Variants in YTHDC2 observed in about 807,000 individuals in gnomAD.
YTHDC2 encodes 3'-5' RNA helicase YTHDC2.
In YTHDC2, 45 loss-of-function variants were observed where a neutral mutation model predicts 174.9. That is an observed-to-expected ratio of 0.26 (90% CI 0.20 to 0.33). YTHDC2 has a LOEUF of 0.33. Among genes scored for constraint, YTHDC2 ranks in the 10% least tolerant of loss-of-function variants. The pLI is 1.00. For synonymous variants in YTHDC2, 657 were observed against 574.5 expected, an observed-to-expected ratio of 1.14 and a Z score of -2.05; for missense variants, 1,650 against 1,723.7, an observed-to-expected ratio of 0.96 and a Z score of 0.76.
intron 2 of YTHDC2, among the ~76,000 whole-genome samples, chr5:113,517,353 C>T (rs142581906): frequency 1.5e-3 from 222 of 152,278 alleles, no homozygotes; most frequent in African/African-American, 5.2e-3. Context: ...TATAAATGTA[C>T]AGTTCTGTAG....
intron 2 of YTHDC2, among the ~76,000 whole-genome samples, chr5:113,519,472 T>C (rs1311112148): frequency 6.6e-6 from 1 of 152,204 alleles, no homozygotes. Flanking sequence ...TAGACAAAAA[T>C]GGATTTTACA....
intron 12 of YTHDC2, among the ~76,000 whole-genome samples, chr5:113,550,157 G>A (rs1776152731): frequency 6.6e-6 from 1 of 151,792 alleles, no homozygotes; most frequent in Non-Finnish European, 1.5e-5. Flanking sequence ...ACAGCACAGG[G>A]GATAGGTGAA....
chr5:113,559,548 A>G (rs759345998), intron 17 of YTHDC2, among the ~76,000 whole-genome samples: 2 of 152,248 alleles, frequency 1.3e-5, no homozygotes, highest in African/African-American at 2.4e-5. Flanking sequence ...GTGAGGAAAA[A>G]GAAATCTCAT....
At chr5:113,574,861 C>G (rs1442811895) in intron 23 of YTHDC2, among the ~76,000 whole-genome samples, 1 of 152,214 alleles carries the variant, frequency 6.6e-6, no homozygotes, top group Non-Finnish European at 1.5e-5. Context: ...CCACACAGAT[C>G]TGTGGCATGG....
intron 23 of YTHDC2, among the ~76,000 whole-genome samples, chr5:113,571,495 A>G (rs1184035015): frequency 6.6e-6 from 1 of 152,212 alleles, no homozygotes; most frequent in Admixed American, 6.5e-5. Context: ...GTCTTACAGT[A>G]TGAGTTATGG....
At chr5:113,561,952 T>TGGTGTG (rs1554099014) in intron 18 of YTHDC2, among the ~76,000 whole-genome samples, 1 of 102,534 alleles carries the variant, frequency 9.8e-6, no homozygotes, top group Non-Finnish European at 2.0e-5. Context: ...CCTCTATTAA[T>TGGTGTG]TGTGGGTGTG....
At chr5:113,539,288 C>T in intron 8 of YTHDC2, 107 bp downstream of exon 8, 1 of 465,860 alleles carries the variant, frequency 2.1e-6, no homozygotes, top group South Asian at 3.9e-5. Context: ...AAGTGTTTTT[C>T]TCTTGTATAT....
At chr5:113,554,522 A>T (rs146230965) in intron 16 of YTHDC2, among the ~76,000 whole-genome samples, 1 of 152,052 alleles carries the variant, frequency 6.6e-6, no homozygotes, top group Non-Finnish European at 1.5e-5. Context: ...AAGCAAAGAA[A>T]TAGATAAACC....
intron 10 of YTHDC2, among the ~76,000 whole-genome samples, chr5:113,546,446 T>C (rs149637900): frequency 6.6e-6 from 1 of 152,328 alleles, no homozygotes; most frequent in African/African-American, 2.4e-5. Flanking sequence ...CTCATCTTTT[T>C]GTTTCATTTC....
chr5:113,565,474 A>C (rs1052666824), intron 20 of YTHDC2, among the ~76,000 whole-genome samples: 2 of 152,200 alleles, frequency 1.3e-5, no homozygotes, highest in African/African-American at 4.8e-5. Context: ...GATTTATAGA[A>C]ATCCTACTTT....
At chr5:113,553,154 T>C in intron 12 of YTHDC2, 27 bp from the exon 13 acceptor site, 5 of 1,417,972 alleles carry the variant, frequency 3.5e-6, no homozygotes, top group Non-Finnish European at 4.6e-6. Context: ...AAATTGACTT[T>C]GTCTTTTTTT....
rs553941743 is a variant in YTHDC2 at position 113,569,222 on chromosome 5, C to T, written c.3244+1373C>T. 7.2e-5 allele frequency among the ~76,000 whole-genome samples: 11 copies of T among 152,088 alleles called. No individual in the cohort carries two copies. The South Asian group carries it at 2.3e-3, about 32-fold the overall frequency. On this transcript the variant is annotated intron_variant, in intron 23 of 29. Transcript: ENST00000161863. The stretch of plus-strand genomic sequence containing the variant: ...TTTTCTTGTAAATTTGCTTAAGTTC[C>T]TTGTATACTCTGGATATTAGACCTT...
chr5:113,540,702 C>G (rs369702882), intron 8 of YTHDC2, among the ~76,000 whole-genome samples: 1 of 152,186 alleles, frequency 6.6e-6, no homozygotes, highest in Non-Finnish European at 1.5e-5. Flanking sequence ...TTTCCCTCAA[C>G]ACCTGCGAAT....
intron 16 of YTHDC2, 106 bp from the exon 17 acceptor site, chr5:113,555,946 A>G (rs1255513206): frequency 5.0e-6 from 3 of 596,178 alleles, no homozygotes; most frequent in African/African-American, 1.9e-5. Flanking sequence ...TCAAGAGAGG[A>G]CTTTGAATTA....
At chr5:113,564,789 C>G (rs1164461292) in intron 20 of YTHDC2, among the ~76,000 whole-genome samples, 2 of 152,170 alleles carry the variant, frequency 1.3e-5, no homozygotes, top group East Asian at 3.9e-4. Flanking sequence ...CTCAAATCTT[C>G]TTGAATGTCG....
intron 23 of YTHDC2, among the ~76,000 whole-genome samples, chr5:113,579,294 ATTT>A (rs1343456022): frequency 1.3e-5 from 2 of 151,778 alleles, no homozygotes; most frequent in Non-Finnish European, 2.9e-5. Context: ...GAATTATGTT[ATTT>A]GTTTCTTTTT....
intron 7 of YTHDC2, 56 bp from the exon 8 acceptor site, chr5:113,539,018 T>C (rs770552435): frequency 2.3e-6 from 2 of 876,608 alleles, no homozygotes; most frequent in Non-Finnish European, 3.3e-6. Context: ...TTCATGTTTT[T>C]ATGTGAATTT....
At chr5:113,535,585 GA>G in intron 6 of YTHDC2, 56 bp from the exon 7 acceptor site, 5 of 1,454,124 alleles carry the variant, frequency 3.4e-6, no homozygotes, top group Non-Finnish European at 4.6e-6. Context: ...TGTTTTTAAA[GA>G]CTTAGTCATC....
chr5:113,539,361 A>G (rs1010258756), intron 8 of YTHDC2, among the ~76,000 whole-genome samples, 180 bp downstream of exon 8: 5 of 152,308 alleles, frequency 3.3e-5, no homozygotes, highest in Admixed American at 6.5e-5. Context: ...GTTTGTGTCC[A>G]GAAGTTATAA....
Sources: gnomAD v4.1 joint callset for allele counts (sites outside exome capture counted in the v4.1 genomes callset) on GRCh38, gnomAD v4.1.1 for gene constraint, MANE v1.5 for transcripts, NCBI Gene and HGNC (gene_info 2026-07-23, HGNC 2026-07-21) for gene names.